The following ARHGEF17 variants were observed in gnomAD, a reference collection of about 807,000 sequenced individuals.
ARHGEF17 encodes 164 kDa Rho-specific guanine-nucleotide exchange factor.
A neutral mutation model predicts 174.0 loss-of-function variants in ARHGEF17; 80 were observed. The ratio of observed to expected loss-of-function variants is 0.46; its 90% CI spans 0.38 to 0.55. The LOEUF is 0.55. Ranked by LOEUF, ARHGEF17 falls within the 20% of genes least tolerant of loss-of-function variation. ARHGEF17 has a pLI of 0.00. For synonymous variants in ARHGEF17, 1,311 were observed against 1,189.1 expected (o/e 1.10, Z -2.11); for missense variants, 2,886 against 2,839.7 (o/e 1.02, Z -0.37).
chr11:73,326,363 G>A (rs532944527), intron 1 of ARHGEF17, among the ~76,000 whole-genome samples: 33 of 152,320 alleles, frequency 2.2e-4, no homozygotes, highest in African/African-American at 7.9e-4. Context: ...GTTCTGGAGA[G>A]GTCAGGTGGG....
At chr11:73,357,618 C>G (rs1211750653) in intron 9 of ARHGEF17, among the ~76,000 whole-genome samples, 4 of 152,226 alleles carry the variant, frequency 2.6e-5, no homozygotes, top group African/African-American at 7.2e-5. Context: ...GCCATTGATT[C>G]ATCTGTGCAA....
intron 1 of ARHGEF17, among the ~76,000 whole-genome samples, chr11:73,327,851 T>G (rs941813400): frequency 7.6e-6 from 1 of 131,732 alleles, no homozygotes; most frequent in East Asian, 1.9e-4. Flanking sequence ...GCCAGATGGC[T>G]TTCTTCAAAT....
chr11:73,367,886 C>T lies in ARHGEF17; in HGVS notation c.*106C>T, dbSNP rs1565213127. On this transcript the variant is annotated 3_prime_UTR_variant, in exon 21 of 21. Transcript: ENST00000263674. Reference sequence around the variant, plus strand: ...GACCAGGAGTATCCAGCCAGGGGCACACATGTGCCTGCGTGGGCTCTGCCT... The same window carrying T: ...GACCAGGAGTATCCAGCCAGGGGCATACATGTGCCTGCGTGGGCTCTGCCT... 25 of 1,225,134 alleles carry T rather than the reference C, an allele frequency of 2.0e-5. No homozygotes were observed. Among genetic ancestry groups the T allele is most frequent in the Non-Finnish European group, 2.8e-5 (25 of 884,046 alleles). The allele number at this position is 1,225,134 out of a possible 1,614,324, so 75.9% of individuals were successfully genotyped here. A position where few individuals can be genotyped will look rare whatever the true frequency, so the allele number is the denominator to read the frequency against.
Position 73,355,399 on chromosome 11 carries a change from C to T in ARHGEF17, c.3454-134C>T, listed in dbSNP as rs574947141. On this transcript the variant is annotated intron_variant, in intron 3 of 20. Coordinates refer to ENST00000263674, the MANE Select transcript of ARHGEF17 (RefSeq NM_014786.4). ...CACACTTAGAGCCACAGGACATGTG[C>T]CTGATCCCTTAGAGATTGTATCATT... is the stretch of plus-strand genomic sequence containing the variant. 11 of 658,762 alleles carry T rather than the reference C, an allele frequency of 1.7e-5. 1 individual carries two copies. Among genetic ancestry groups the T allele is most frequent in the Admixed American group, 5.2e-5 (2 of 38,696 alleles). The allele number at this position is 658,762 out of a possible 1,614,324, so 40.8% of individuals were successfully genotyped here.
intron 1 of ARHGEF17, among the ~76,000 whole-genome samples, chr11:73,312,437 C>T (rs1823398355): frequency 6.6e-6 from 1 of 152,114 alleles, no homozygotes; most frequent in African/African-American, 2.4e-5. Flanking sequence ...GTGACATTGG[C>T]CTTTCTCTGT....
intron 2 of ARHGEF17, among the ~76,000 whole-genome samples, chr11:73,349,366 G>A (rs1865516087): frequency 6.6e-6 from 1 of 152,196 alleles, no homozygotes; most frequent in Non-Finnish European, 1.5e-5. Flanking sequence ...TCTAATCCCA[G>A]CACTTTGGGA....
At chr11:73,335,055 C>T (rs1248642660) in intron 1 of ARHGEF17, among the ~76,000 whole-genome samples, 1 of 152,158 alleles carries the variant, frequency 6.6e-6, no homozygotes, top group African/African-American at 2.4e-5. Context: ...GAGGTCATCT[C>T]ATTCATAGGT....
chr11:73,355,371 G>A (rs1865620099), intron 3 of ARHGEF17, among the ~76,000 whole-genome samples, 162 bp from the exon 4 acceptor site: 2 of 152,150 alleles, frequency 1.3e-5, no homozygotes, highest in South Asian at 2.1e-4. Flanking sequence ...GCCTAAACAC[G>A]ACCACACTTA....
rs1369941336 is a variant in ARHGEF17 at position 73,310,316 on chromosome 11, C to T, written c.1678C>T (p.Arg560Cys). 5 of 1,613,812 alleles carry T rather than the reference C, an allele frequency of 3.1e-6. No homozygotes were observed. Among genetic ancestry groups the T allele is most frequent in the South Asian group, 1.1e-5 (1 of 91,092 alleles). Reference sequence around the variant, plus strand: ...GAAGCCCATGGCCCGCCGCCTGCCCCGCACCAGTGCTCTGAAGTCCAGCTC... The same window carrying T: ...GAAGCCCATGGCCCGCCGCCTGCCCTGCACCAGTGCTCTGAAGTCCAGCTC... ...SEKPMARRLP[R>C]TSALKSSSSE... Residue 560 changes from arginine (R) to cysteine (C), a missense_variant, in exon 1 of 21, where the codon CGC becomes TGC. Arg to Cys is a radical substitution (Grantham distance 180). Around this residue, in one of 4 missense-constraint regions of ARHGEF17, gnomAD observed 1,728 missense variants for 1,461.2 expected, o/e 1.18. Coordinates refer to ENST00000263674, the MANE Select transcript of ARHGEF17 (RefSeq NM_014786.4).
rs757320208 is a variant in ARHGEF17, at chr11:73,311,358, C to A, written c.2720C>A (p.Pro907His). 1.2e-6 allele frequency: 2 copies of A among 1,613,360 alleles called. No homozygotes were observed. The highest frequency in any genetic ancestry group is 3.3e-5 in the Admixed American group (2 of 60,036). The stretch of plus-strand genomic sequence containing the variant: ...GCCCACCGAAACTTTCACCTTGACC[C>A]CAAGCTGGCTGACATTCTGTCCCCG... The part of the protein sequence containing the change: ...ATAHRNFHLD[P>H]KLADILSPRL... Residue 907 changes from proline (P) to histidine (H), a missense_variant, in exon 1 of 21, where the codon CCC (proline) becomes CAC (histidine). By Grantham distance (77) the Pro-to-His change is moderately conservative. Around this residue, in one of 4 missense-constraint regions of ARHGEF17, gnomAD observed 1,728 missense variants for 1,461.2 expected, o/e 1.18. Coordinates refer to ENST00000263674, the MANE Select transcript of ARHGEF17 (RefSeq NM_014786.4).
chr11:73,335,466 A>G (rs1865271296), intron 1 of ARHGEF17, among the ~76,000 whole-genome samples: 1 of 152,022 alleles, frequency 6.6e-6, no homozygotes, highest in Non-Finnish European at 1.5e-5. Flanking sequence ...ATAATGAGAA[A>G]CTTTTCCTTC....
intron 1 of ARHGEF17, among the ~76,000 whole-genome samples, chr11:73,331,974 G>C (rs1865211302): frequency 6.6e-6 from 1 of 152,162 alleles, no homozygotes; most frequent in African/African-American, 2.4e-5. Flanking sequence ...ATAGTGAAAG[G>C]AGCTACCATG....
chr11:73,367,730 A>T lies in ARHGEF17; in HGVS notation c.6142A>T (p.Thr2048Ser), dbSNP rs748134018. 1 of 1,614,026 alleles carries T rather than the reference A, an allele frequency of 6.2e-7. No individual in the cohort carries two copies. Among genetic ancestry groups the T allele is most frequent in the South Asian group, 1.1e-5 (1 of 91,086 alleles). Residue 2048 changes from threonine (T) to serine (S), a missense_variant, in exon 21 of 21, where the codon ACT becomes TCT. Physicochemically the swap from Thr to Ser is moderately conservative, Grantham distance 58. Around this residue, in one of 4 missense-constraint regions of ARHGEF17, gnomAD observed 329 missense variants for 435.2 expected, o/e 0.76. Coordinates refer to ENST00000263674, the MANE Select transcript of ARHGEF17 (RefSeq NM_014786.4). ...CAGTGGGGGCGGCAGCAGCAGTGAG[A>T]CTGTGGGTCGAGACGACAGCACAAA... ...LSSGGGSSSE[T>S]VGRDDSTNHL...
intron 1 of ARHGEF17, among the ~76,000 whole-genome samples, chr11:73,340,997 G>A (rs1473200384): frequency 6.6e-6 from 1 of 152,226 alleles, no homozygotes; most frequent in African/African-American, 2.4e-5. Context: ...TAACTGCTGG[G>A]CATGTGGGGA....
intron 1 of ARHGEF17, among the ~76,000 whole-genome samples, chr11:73,314,046 A>G (rs1297106855): frequency 2.0e-5 from 3 of 152,070 alleles, no homozygotes; most frequent in Non-Finnish European, 4.4e-5. Flanking sequence ...TCATCCTCCA[A>G]TTTCCCACAC....
At position 73,363,368 on chromosome 11, in the gene ARHGEF17, C is replaced by T; in HGVS notation, c.5159C>T (p.Ser1720Phe). Reference sequence around the variant, plus strand: ...GCCCTTCGCCGCTCCAGCCACGGCTCCTTCACCCGGGGCAGCCTTGAGGAC... The same window carrying T: ...GCCCTTCGCCGCTCCAGCCACGGCTTCTTCACCCGGGGCAGCCTTGAGGAC... The part of the protein sequence containing the change: ...GRALRRSSHG[S>F]FTRGSLEDLL... Residue 1720 changes from serine to phenylalanine, a missense_variant, in exon 15 of 21, where the codon TCC becomes TTC. This residue lies in a region of ARHGEF17 where 476 missense variants were observed against 473.1 expected (regional missense o/e 1.01). Transcript: ENST00000263674. The T allele has an allele frequency of 6.2e-7, 1 of 1,613,172 alleles. No individual in the cohort carries two copies. The highest frequency in any genetic ancestry group is 8.5e-7 in the Non-Finnish European group (1 of 1,179,896).
chr11:73,365,226 C>G lies in ARHGEF17; in HGVS notation c.5551-164C>G. The G allele has an allele frequency of 1.4e-6, 1 of 692,112 alleles. No homozygotes were observed. 42.9% of individuals were successfully genotyped at this position (692,112 alleles called of 1,614,324 possible). A position where few individuals can be genotyped will look rare whatever the true frequency, so the allele number is the denominator to read the frequency against. On this transcript the variant is annotated intron_variant, in intron 18 of 20. Transcript: ENST00000263674. This position sits in a 1 kb window ranked among gnomAD's most constrained non-coding sequence, Gnocchi z 4.9. Reference sequence around the variant, plus strand: ...GCACCTCCATTGTAATTCCTGAGAACTAAGTTGGGAGGTGCTGGTGAAACC... The same window carrying G: ...GCACCTCCATTGTAATTCCTGAGAAGTAAGTTGGGAGGTGCTGGTGAAACC...
intron 20 of ARHGEF17, 84 bp from the exon 21 acceptor site, chr11:73,367,500 C>T: frequency 8.3e-7 from 1 of 1,202,102 alleles, no homozygotes; most frequent in Non-Finnish European, 1.2e-6. Flanking sequence ...TTCCTATCTT[C>T]TGGGGTGTGG....
At position 73,311,285 on chromosome 11, in the gene ARHGEF17, G is replaced by C; in HGVS notation, c.2647G>C (p.Ala883Pro). Residue 883 changes from alanine to proline, a missense_variant, in exon 1 of 21, where the codon GCA becomes CCA. Ala to Pro is a conservative substitution (Grantham distance 27). Around this residue, in one of 4 missense-constraint regions of ARHGEF17, gnomAD observed 1,728 missense variants for 1,461.2 expected, o/e 1.18. Transcript: ENST00000263674. Reference sequence around the variant, plus strand: ...AGAACCTGGTGCCACCAGGAGCCGGGCACAGTCTGAAAGGGCCCTACCTGA... The same window carrying C: ...AGAACCTGGTGCCACCAGGAGCCGGCCACAGTCTGAAAGGGCCCTACCTGA... ...PEEPGATRSR[A>P]QSERALPEAL... 1 of 1,613,132 alleles carries C rather than the reference G, an allele frequency of 6.2e-7. No individual in the cohort carries two copies. Among genetic ancestry groups the C allele is most frequent in the Admixed American group, 1.7e-5 (1 of 60,010 alleles).
Sources: gnomAD v4.1 joint callset for allele counts (sites outside exome capture counted in the v4.1 genomes callset) on GRCh38, gnomAD v4.1.1 for gene constraint, gnomAD v4.1.1 regional missense constraint, Gnocchi (gnomAD v3.1) non-coding constraint, MANE v1.5 for transcripts, NCBI Gene and HGNC (gene_info 2026-07-23, HGNC 2026-07-21) for gene names.